The following ADAM32 variants were observed in gnomAD, a reference collection of about 807,000 sequenced individuals.
ADAM32 encodes disintegrin and metalloproteinase domain-containing protein 32.
A neutral mutation model predicts 114.9 loss-of-function variants in ADAM32; 89 were observed. That is an observed-to-expected ratio of 0.77 (90% confidence interval 0.65 to 0.92). ADAM32 has a LOEUF of 0.92. Ranked by LOEUF, ADAM32 falls within the 40% of genes least tolerant of loss-of-function variation. The pLI, the probability that ADAM32 is intolerant of heterozygous loss-of-function variation, is 0.00. For synonymous variants in ADAM32, 285 were observed against 307.5 expected (o/e 0.93, Z 0.77); for missense variants, 870 against 932.8 (o/e 0.93, Z 0.88).
chr8:39,147,864 C>T (rs539098926), intron 4 of ADAM32, among the ~76,000 whole-genome samples: 24 of 152,120 alleles, frequency 1.6e-4, no homozygotes, highest in Non-Finnish European at 2.5e-4. Flanking sequence ...ACCTCCACCT[C>T]CTGGGTTCAA....
chr8:39,232,161 C>G, intron 15 of ADAM32, 26 bp downstream of exon 15: 1 of 1,518,900 alleles, frequency 6.6e-7, no homozygotes, highest in Non-Finnish European at 9.0e-7. Flanking sequence ...ATAAATGATA[C>G]TTTTCTTATA....
At chr8:39,158,878 T>C (rs776767471) in intron 6 of ADAM32, among the ~76,000 whole-genome samples, 3 of 152,208 alleles carry the variant, frequency 2.0e-5, no homozygotes, top group Non-Finnish European at 2.9e-5. Context: ...TTATAATTTC[T>C]ATATTTTTAT....
At chr8:39,258,720 C>A (rs979766661) in intron 19 of ADAM32, among the ~76,000 whole-genome samples, 1 of 152,068 alleles carries the variant, frequency 6.6e-6, no homozygotes, top group Admixed American at 6.6e-5. Context: ...CATTTTTATA[C>A]ATACTGGGTT....
At chr8:39,186,528 G>A (rs1806256757) in intron 10 of ADAM32, among the ~76,000 whole-genome samples, 1 of 152,162 alleles carries the variant, frequency 6.6e-6, no homozygotes, top group African/African-American at 2.4e-5. Context: ...GGGGTTAGGG[G>A]AGATTATACG....
At chr8:39,152,070 C>G (rs1803869070) in intron 6 of ADAM32, among the ~76,000 whole-genome samples, 1 of 152,068 alleles carries the variant, frequency 6.6e-6, no homozygotes, top group African/African-American at 2.4e-5. Context: ...TCCAAAAATT[C>G]CCTCTTGTAT....
intron 17 of ADAM32, among the ~76,000 whole-genome samples, chr8:39,251,281 A>G (rs1811280033): frequency 6.6e-6 from 1 of 151,792 alleles, no homozygotes; most frequent in Admixed American, 6.6e-5. Flanking sequence ...ACTAATTTAC[A>G]TTCCCACCTA....
At position 39,257,350 on chromosome 8, in the gene ADAM32, T is replaced by A; in HGVS notation, c.2162+7T>A. On this transcript the variant is annotated splice_region_variant and intron_variant, in intron 19 of 24. Coordinates refer to ENST00000379907, the MANE Select transcript of ADAM32 (RefSeq NM_145004.7). ...AGGAATTCCCAAGTAGCGAGTAAATTGCATTTGTGTTCTGAAGTTAAACAT... is the reference window on the plus strand; with the variant it reads ...AGGAATTCCCAAGTAGCGAGTAAATAGCATTTGTGTTCTGAAGTTAAACAT... The A allele has an allele frequency of 6.2e-7, 1 of 1,612,736 alleles. No homozygotes were observed. Among genetic ancestry groups the A allele is most frequent in the Non-Finnish European group, 8.5e-7 (1 of 1,179,162 alleles).
Position 39,221,628 on chromosome 8 carries a change from T to G in ADAM32, c.1252T>G (p.Cys418Gly), listed in dbSNP as rs898110858. 1 of 1,611,738 alleles carries G rather than the reference T, an allele frequency of 6.2e-7. No individual in the cohort carries two copies. Among genetic ancestry groups the G allele is most frequent in the Non-Finnish European group, 8.5e-7 (1 of 1,178,632 alleles). The change falls in exon 13 of 25, where the codon TGT becomes GGT. Residue 418 changes from cysteine (C) to glycine (G), a missense_variant. Transcript: ENST00000379907. ...GTEAQCGPAS[C>G]CDFRTCVLKD... is the part of the protein sequence containing the mutation. ...TTCATAGCAATGTGGACCTGCAAGC[T>G]GTTGTGATTTTCGAACTTGTGTACT...
intron 14 of ADAM32, among the ~76,000 whole-genome samples, chr8:39,231,250 T>C (rs1809715548): frequency 6.6e-6 from 1 of 152,168 alleles, no homozygotes; most frequent in Non-Finnish European, 1.5e-5. Flanking sequence ...AGAAAGCTGC[T>C]GTGTTCTGAG....
At chr8:39,129,950 A>C (rs959098454) in intron 2 of ADAM32, 3 of 234,026 alleles carry the variant, frequency 1.3e-5, no homozygotes, top group South Asian at 1.1e-4. Context: ...TGTACATCAC[A>C]TTTCCTTTTT....
In ADAM32 at chr8:39,186,128, C is replaced by T. The variant is rs183043960; in HGVS notation, c.916-781C>T. 4.3e-3 allele frequency among the ~76,000 whole-genome samples: 650 copies of T among 152,324 alleles called. 8 individuals are homozygous for T. The highest frequency in any genetic ancestry group is 4.7e-3 in the Non-Finnish European group (322 of 68,024). ...GTTTGCATTTTCCATTGCTCATTTG[C>T]AGCGTTCCCTTTCTGTTCTTCATTA... On this transcript the variant is annotated intron_variant, in intron 10 of 24. Coordinates refer to ENST00000379907, the MANE Select transcript of ADAM32 (RefSeq NM_145004.7).
rs758636300 is a variant in ADAM32 at position 39,220,784 on chromosome 8, G to A, written c.1234-826G>A. Among the ~76,000 whole-genome samples the A allele has an allele frequency of 3.7e-4, 57 of 152,006 alleles. 2 individuals are homozygous for A. The highest frequency in any genetic ancestry group is 2.9e-3 in the South Asian group (14 of 4,818). On this transcript the variant is annotated intron_variant, in intron 12 of 24. Transcript: ENST00000379907. ...TATGATCAGAAAAGATACTTCATAT[G>A]ATTTTAATTGTTTTTTGAATTTGTT...
At chr8:39,264,337 G>T (rs1197686137) in intron 19 of ADAM32, among the ~76,000 whole-genome samples, 1 of 152,086 alleles carries the variant, frequency 6.6e-6, no homozygotes, top group Non-Finnish European at 1.5e-5. Flanking sequence ...TTTCTAGTTT[G>T]TGTGTATAGA....
chr8:39,182,521 C>T (rs1048946084), intron 10 of ADAM32, among the ~76,000 whole-genome samples: 5 of 152,180 alleles, frequency 3.3e-5, no homozygotes, highest in East Asian at 1.9e-4. Flanking sequence ...ATCATTTTTA[C>T]GGTGAGAATG....
At chr8:39,196,497 A>C (rs550016221) in intron 11 of ADAM32, among the ~76,000 whole-genome samples, 2 of 152,178 alleles carry the variant, frequency 1.3e-5, no homozygotes, top group East Asian at 1.9e-4. Context: ...TATTATGCTG[A>C]GGTACATTTT....
At chr8:39,156,585 A>C (rs1383281158) in intron 6 of ADAM32, among the ~76,000 whole-genome samples, 1 of 152,222 alleles carries the variant, frequency 6.6e-6, no homozygotes, top group Non-Finnish European at 1.5e-5. Context: ...GCAGTGTATT[A>C]GTTTACTACA....
chr8:39,112,004 G>C (rs1262515904), intron 1 of ADAM32, among the ~76,000 whole-genome samples: 1 of 151,926 alleles, frequency 6.6e-6, no homozygotes, highest in Non-Finnish European at 1.5e-5. Context: ...CAAAATCCTG[G>C]AACTTTAAAA....
intron 9 of ADAM32, chr8:39,168,943 A>G (rs1355802328): frequency 1.3e-5 from 2 of 152,218 alleles, no homozygotes; most frequent in African/African-American, 2.4e-5. Flanking sequence ...TGTGGGAGGG[A>G]GAAACAGAGT....
At chr8:39,137,196 C>T (rs904635631) in intron 3 of ADAM32, among the ~76,000 whole-genome samples, 1 of 152,086 alleles carries the variant, frequency 6.6e-6, no homozygotes, top group Non-Finnish European at 1.5e-5. Context: ...AAATAATTTT[C>T]TATAGGGTTT....
Sources: gnomAD v4.1 joint callset for allele counts (sites outside exome capture counted in the v4.1 genomes callset) on GRCh38, gnomAD v4.1.1 for gene constraint, MANE v1.5 for transcripts, NCBI Gene and HGNC (gene_info 2026-07-23, HGNC 2026-07-21) for gene names.